Variants in LIFR observed in about 807,000 individuals in gnomAD.
The protein encoded by LIFR is LIF receptor subunit alpha, also known as leukemia inhibitory factor receptor.
Under a neutral mutation model 122.2 loss-of-function variants are expected in LIFR, and 84 were observed. The observed-to-expected ratio is 0.69, with a 90% CI of 0.58 to 0.82. The LOEUF is 0.82. LIFR is among the 40% of genes least tolerant of loss of function. The probability of loss-of-function intolerance (pLI) is 0.00; values close to 1 mark genes in which losing one functional copy is unlikely to be tolerated. For missense variants in LIFR, 1,294 were observed against 1,311.6 expected (o/e 0.99, Z 0.21); for synonymous variants, 422 against 434.7 (o/e 0.97, Z 0.36).
At chr5:38,487,290 T>C (rs1405488073) in intron 16 of LIFR, among the ~76,000 whole-genome samples, 3 of 152,222 alleles carry the variant, frequency 2.0e-5, no homozygotes, top group South Asian at 2.1e-4. Context: ...ATGTACAAAA[T>C]ATCTGCATTT....
chr5:38,487,457 C>T (rs7724415), intron 16 of LIFR, among the ~76,000 whole-genome samples: 4,623 of 152,242 alleles, frequency 0.03, 266 homozygotes, highest in African/African-American at 0.1. Flanking sequence ...CTGCTTGTCT[C>T]TGATCATTTC....
rs146532750 is a variant in LIFR, at chr5:38,606,800, TC to T, written n.204-495del. ...TCCATCAAGGACACTTTCTTTTTTT[TC>T]CCCCATGGGGAAAGTTTGGTTTAGA... On this transcript the variant is annotated intron_variant and non_coding_transcript_variant, in intron 1 of 3. Transcript: ENST00000507786. 2.8e-3 allele frequency among the ~76,000 whole-genome samples: 433 copies of T among 152,240 alleles called. 3 individuals carry two copies. The highest frequency in any genetic ancestry group is 9.6e-3 in the African/African-American group (400 of 41,548).
chr5:38,577,482 C>T (rs1749426273), intron 1 of LIFR, among the ~76,000 whole-genome samples: 1 of 152,116 alleles, frequency 6.6e-6, no homozygotes, highest in African/African-American at 2.4e-5. Flanking sequence ...CAGATAGTGC[C>T]TTGCCTGCCT....
intron 1 of LIFR, among the ~76,000 whole-genome samples, chr5:38,539,162 C>T (rs914601358): frequency 6.6e-6 from 1 of 151,126 alleles, no homozygotes; most frequent in African/African-American, 2.4e-5. Context: ...GGGGTTTCAC[C>T]GTGGTCTCGA....
chr5:38,504,659 G>C (rs1444233303), intron 9 of LIFR, among the ~76,000 whole-genome samples: 1 of 152,164 alleles, frequency 6.6e-6, no homozygotes, highest in Non-Finnish European at 1.5e-5. Context: ...GAGGCAAACT[G>C]CATATTACAC....
At chr5:38,593,892 T>C (rs947248428) in intron 1 of LIFR, among the ~76,000 whole-genome samples, 1 of 152,152 alleles carries the variant, frequency 6.6e-6, no homozygotes, top group African/African-American at 2.4e-5. Context: ...GATCTGGGAA[T>C]TACCAGCCTA....
At chr5:38,520,840 C>A (rs372983009) in intron 5 of LIFR, among the ~76,000 whole-genome samples, 1 of 152,086 alleles carries the variant, frequency 6.6e-6, no homozygotes, top group East Asian at 1.9e-4. Flanking sequence ...CTATAGATAA[C>A]CTTTTAATAT....
chr5:38,570,953 A>C (rs1296551169), intron 1 of LIFR, among the ~76,000 whole-genome samples: 1 of 152,220 alleles, frequency 6.6e-6, no homozygotes, highest in Non-Finnish European at 1.5e-5. Context: ...GTATTCATTC[A>C]TTACTCAAAA....
At chr5:38,548,018 A>G (rs1747991381) in intron 1 of LIFR, among the ~76,000 whole-genome samples, 2 of 152,098 alleles carry the variant, frequency 1.3e-5, no homozygotes, top group African/African-American at 4.8e-5. Flanking sequence ...ACATCTTTCT[A>G]TGGTACACGA....
chr5:38,563,097 AG>A (rs1748893751), intron 1 of LIFR, among the ~76,000 whole-genome samples: 1 of 152,166 alleles, frequency 6.6e-6, no homozygotes, highest in Admixed American at 6.6e-5. Flanking sequence ...AAGGTAACTG[AG>A]GACGCCACTC....
At chr5:38,604,707 A>G (rs553416696) in intron 2 of LIFR, among the ~76,000 whole-genome samples, 1 of 152,098 alleles carries the variant, frequency 6.6e-6, no homozygotes, top group Admixed American at 6.5e-5. Context: ...TCTCAAAAAA[A>G]AAAACAAAAC....
chr5:38,534,628 G>C (rs1747196716), intron 1 of LIFR, among the ~76,000 whole-genome samples: 1 of 152,190 alleles, frequency 6.6e-6, no homozygotes, highest in Non-Finnish European at 1.5e-5. Context: ...GCATCACTGA[G>C]AATATCAAAA....
At chr5:38,491,560 T>C (rs1744596482) in intron 14 of LIFR, among the ~76,000 whole-genome samples, 1 of 152,194 alleles carries the variant, frequency 6.6e-6, no homozygotes, top group Admixed American at 6.5e-5. Context: ...TGGCAGCATA[T>C]GGCATTGCAT....
intron 1 of LIFR, chr5:38,550,268 A>AC (rs1265651924): frequency 1.0e-6 from 1 of 965,108 alleles, no homozygotes; most frequent in Non-Finnish European, 1.2e-6. Flanking sequence ...TAAATTTTTA[A>AC]AATAGCTGAG....
At chr5:38,492,768 C>T (rs1423742514) in intron 14 of LIFR, among the ~76,000 whole-genome samples, 2 of 152,046 alleles carry the variant, frequency 1.3e-5, no homozygotes, top group African/African-American at 4.8e-5. Context: ...CCCTAACACG[C>T]GAGGGAGGCA....
At chr5:38,596,706 C>G (rs1397274110), upstream of LIFR, among the ~76,000 whole-genome samples, 1 of 152,144 alleles carries the variant, frequency 6.6e-6, no homozygotes, top group African/African-American at 2.4e-5. Context: ...TGTTAGATAA[C>G]TTCCAGTTTT....
At chr5:38,550,951 C>T (rs553780485) in intron 1 of LIFR, among the ~76,000 whole-genome samples, 2 of 152,172 alleles carry the variant, frequency 1.3e-5, no homozygotes, top group Admixed American at 6.5e-5. Flanking sequence ...TGTTTAAGTG[C>T]TTAATTTTCT....
rs543575408 is a variant in LIFR at position 38,589,058 on chromosome 5, C to T, written c.-20+6203G>A. On this transcript the variant is annotated intron_variant, in intron 1 of 19. Transcript: ENST00000263409. ...TGTTGCCGAGGCTGAAGTGCAGTGG[C>T]GCGATCTTGGCTCACTGCTAGCTTG... 1.9e-4 allele frequency among the ~76,000 whole-genome samples: 28 copies of T among 148,482 alleles called. 1 individual carries two copies. The East Asian group carries it at 5.1e-3, about 27-fold the overall frequency.
At chr5:38,579,390 T>G (rs1359488797) in intron 1 of LIFR, 1 of 152,118 alleles carries the variant, frequency 6.6e-6, no homozygotes, top group African/African-American at 2.4e-5. Context: ...GCCAACATTT[T>G]GAACAGAAAT....
Sources: gnomAD v4.1 joint callset for allele counts (sites outside exome capture counted in the v4.1 genomes callset) on GRCh38, gnomAD v4.1.1 for gene constraint, MANE v1.5 for transcripts, NCBI Gene and HGNC (gene_info 2026-07-23, HGNC 2026-07-21) for gene names.